The following TBC1D2B variants were observed in gnomAD, a reference collection of about 807,000 sequenced individuals.
TBC1D2B encodes the protein TBC1 domain family member 2B, also known as TBC1 domain family, member 2B.
In TBC1D2B, 64 loss-of-function variants were observed where a neutral mutation model predicts 100.8. The observed-to-expected ratio is 0.64, with a 90% CI of 0.52 to 0.78. TBC1D2B has a LOEUF of 0.78. Ranked by LOEUF, TBC1D2B falls within the 30% of genes least tolerant of loss-of-function variation. TBC1D2B has a pLI of 0.00. For missense variants in TBC1D2B, 1,052 were observed against 1,218.4 expected, an observed-to-expected ratio of 0.86 and a Z score of 2.03; for synonymous variants, 480 against 479.7, an observed-to-expected ratio of 1.00 and a Z score of -0.01.
chr15:78,068,969 C>T, intron 1 of TBC1D2B, among the ~76,000 whole-genome samples: 1 of 151,192 alleles, frequency 6.6e-6, no homozygotes, highest in East Asian at 2.0e-4. Flanking sequence ...AATGCCTCTC[C>T]CTCTCCCAAA....
intron 4 of TBC1D2B, among the ~76,000 whole-genome samples, chr15:78,027,101 T>C (rs537132961): frequency 6.6e-6 from 1 of 151,798 alleles, no homozygotes; most frequent in South Asian, 2.1e-4. Context: ...TTAGTGTAGA[T>C]AGATTGAAAT....
At chr15:78,071,131 T>C (rs1216866401) in intron 1 of TBC1D2B, among the ~76,000 whole-genome samples, 1 of 151,930 alleles carries the variant, frequency 6.6e-6, no homozygotes, top group African/African-American at 2.4e-5. Flanking sequence ...CACACCTGGC[T>C]AGTTTTTTTT....
chr15:77,995,858 GC>G lies in TBC1D2B; in HGVS notation c.*2301del, dbSNP rs2071738156. On this transcript the variant is annotated 3_prime_UTR_variant, in exon 13 of 13. Coordinates refer to ENST00000300584, the MANE Select transcript of TBC1D2B (RefSeq NM_144572.2). ...GCTTGGGGCAGCCCCTGTCAGAAGG[GC>G]CCCCTGCCATGGCAGCCAGTGGAGG... 6.6e-6 allele frequency: 1 copy of G among 151,560 alleles called. No individual in the cohort carries two copies. Among genetic ancestry groups the G allele is most frequent in the African/African-American group, 2.4e-5 (1 of 41,296 alleles). The allele number at this position is 151,560 out of a possible 1,614,324, so 9.4% of individuals were successfully genotyped here. A position where few individuals can be genotyped will look rare whatever the true frequency, so the allele number is the denominator to read the frequency against.
intron 10 of TBC1D2B, among the ~76,000 whole-genome samples, chr15:78,008,344 G>A (rs555045999): frequency 6.6e-6 from 1 of 152,238 alleles, no homozygotes; most frequent in Non-Finnish European, 1.5e-5. Context: ...CCCCACTGCT[G>A]CCCCTCTGGT....
At chr15:78,038,094 A>G (rs1000782891) in intron 3 of TBC1D2B, among the ~76,000 whole-genome samples, 2 of 152,200 alleles carry the variant, frequency 1.3e-5, no homozygotes, top group African/African-American at 4.8e-5. Flanking sequence ...CGGGAGCAAG[A>G]GCAGCAGAGC....
intron 1 of TBC1D2B, among the ~76,000 whole-genome samples, chr15:78,059,026 T>A: frequency 6.6e-6 from 1 of 151,388 alleles, no homozygotes; most frequent in East Asian, 1.9e-4. Flanking sequence ...TGGGTGTGCA[T>A]TTTGTCTCCC....
intron 9 of TBC1D2B, among the ~76,000 whole-genome samples, chr15:78,012,330 A>G (rs760717309): frequency 3.9e-5 from 6 of 152,208 alleles, no homozygotes; most frequent in Non-Finnish European, 8.8e-5. Context: ...TCCTCTGCCT[A>G]TGGAAGTAGG....
Position 78,013,226 on chromosome 15 carries a change from G to A in TBC1D2B, c.1867C>T (p.Leu623Phe), listed in dbSNP as rs1282821105. ...ACTTCCTGGTTTTCTGTGAGGTAGA[G>A]AGTCTTCAGATCCAACGCGCGGACC... is the stretch of plus-strand genomic sequence containing the variant. The part of the protein sequence containing the change: ...AKVRALDLKT[L>F]YLTENQEVST... Residue 623 changes from leucine to phenylalanine, a missense_variant, in exon 9 of 13, where the codon CTC becomes TTC. Transcript: ENST00000300584. 5.6e-6 allele frequency: 9 copies of A among 1,613,882 alleles called. No individual in the cohort carries two copies. The highest frequency in any genetic ancestry group is 6.8e-6 in the Non-Finnish European group (8 of 1,179,896).
chr15:78,032,666 A>AT (rs201925141), intron 3 of TBC1D2B, among the ~76,000 whole-genome samples: 3,928 of 150,238 alleles, frequency 0.026, 119 homozygotes, highest in African/African-American at 0.069. Context: ...GACATAGAAA[A>AT]TTAAAAAAAA....
chr15:78,057,153 A>C (rs926552905), intron 1 of TBC1D2B, among the ~76,000 whole-genome samples: 1 of 152,156 alleles, frequency 6.6e-6, no homozygotes, highest in Admixed American at 6.5e-5. Flanking sequence ...TTGAGTATTA[A>C]ATGTAACTGG....
In TBC1D2B at chr15:78,024,217, G is replaced by A. The variant is rs147961593; in HGVS notation, c.1409C>T (p.Ala470Val). 3.3e-4 allele frequency: 530 copies of A among 1,613,858 alleles called. 2 individuals carry two copies. The highest frequency in any genetic ancestry group is 1.4e-3 in the South Asian group (129 of 91,080). The change falls in exon 6 of 13, where the codon GCG becomes GTG. Residue 470 changes from alanine (A) to valine (V), a missense_variant. Physicochemically the swap from Ala to Val is moderately conservative, Grantham distance 64. Transcript: ENST00000300584. Reference protein sequence around the residue: ...GEGNGPPPTVAPSSPSVVPVA... With the variant: ...GEGNGPPPTVVPSSPSVVPVA... ...AGGCACAACCGAAGGGGAGCTGGGC[G>A]CCACGGTGGGAGGAGGCCCGTTGCC...
At chr15:78,027,290 GTCC>G (rs1281039676) in intron 4 of TBC1D2B, among the ~76,000 whole-genome samples, 2 of 152,160 alleles carry the variant, frequency 1.3e-5, no homozygotes, top group Admixed American at 6.5e-5. Flanking sequence ...TGCTGGCATC[GTCC>G]TCCTTCTTGA....
intron 12 of TBC1D2B, among the ~76,000 whole-genome samples, chr15:77,999,921 C>A (rs1213595105): frequency 6.6e-6 from 1 of 152,222 alleles, no homozygotes; most frequent in Non-Finnish European, 1.5e-5. Context: ...AGTCCTGCTG[C>A]AGAACATGGT....
intron 3 of TBC1D2B, among the ~76,000 whole-genome samples, chr15:78,042,653 G>A (rs1222048729): frequency 1.3e-5 from 2 of 152,152 alleles, no homozygotes; most frequent in Non-Finnish European, 2.9e-5. Context: ...GCTGGGAGAT[G>A]ACTGGACTTA....
In TBC1D2B at chr15:78,025,550, G is replaced by A. The variant is rs1035328178; in HGVS notation, c.848-53C>T. On this transcript the variant is annotated intron_variant, in intron 4 of 12. Transcript: ENST00000300584. ...TTATTATTATTATTATTTTTGAGACGGAGTGTCGGTCTGTCGCCCAGGCTG... is the reference window on the plus strand; with the variant it reads ...TTATTATTATTATTATTTTTGAGACAGAGTGTCGGTCTGTCGCCCAGGCTG... 23 of 1,342,038 alleles carry A rather than the reference G, an allele frequency of 1.7e-5. No individual in the cohort carries two copies. The African/African-American group carries it at 2.7e-4, about 16-fold the overall frequency. The allele number at this position is 1,342,038 out of a possible 1,614,324, so 83.1% of individuals were successfully genotyped here.
intron 1 of TBC1D2B, among the ~76,000 whole-genome samples, chr15:78,073,999 C>T (rs1304565453): frequency 6.6e-6 from 1 of 150,798 alleles, no homozygotes; most frequent in African/African-American, 2.4e-5. Context: ...GTTTTAGAGT[C>T]GGGGTGTTTT....
chr15:78,069,903 C>T (rs2073718027), intron 1 of TBC1D2B, among the ~76,000 whole-genome samples: 1 of 152,228 alleles, frequency 6.6e-6, no homozygotes, highest in Non-Finnish European at 1.5e-5. Flanking sequence ...GGCTTCCCAG[C>T]CTCCAGAACT....
intron 10 of TBC1D2B, among the ~76,000 whole-genome samples, chr15:78,007,812 G>A (rs975638263): frequency 2.6e-5 from 4 of 152,184 alleles, no homozygotes; most frequent in Non-Finnish European, 4.4e-5. Flanking sequence ...AGGACCCACC[G>A]GACAGGAGCT....
chr15:78,001,357 T>C (rs1427471230), intron 12 of TBC1D2B, among the ~76,000 whole-genome samples: 1 of 152,234 alleles, frequency 6.6e-6, no homozygotes, highest in Non-Finnish European at 1.5e-5. Context: ...AAATGCTTTC[T>C]AGACAAATGA....
Sources: gnomAD v4.1 joint callset for allele counts (sites outside exome capture counted in the v4.1 genomes callset) on GRCh38, gnomAD v4.1.1 for gene constraint, MANE v1.5 for transcripts, NCBI Gene and HGNC (gene_info 2026-07-23, HGNC 2026-07-21) for gene names.